The following NDUFS4 variants were observed in gnomAD, a reference collection of about 807,000 sequenced individuals.
NDUFS4 encodes the protein NADH:ubiquinone oxidoreductase subunit S4.
NDUFS4 carries 28 observed loss-of-function variants against 24.3 expected under a neutral mutation model. The observed-to-expected ratio is 1.15, with a 90% CI of 0.85 to 1.58. The LOEUF (loss-of-function observed/expected upper bound fraction) is 1.58, where lower values mean the gene tolerates loss of function less well. NDUFS4 is among the 40% of genes most tolerant of loss of function. The pLI, the probability that NDUFS4 is intolerant of heterozygous loss-of-function variation, is 0.00. For missense variants in NDUFS4, 223 were observed against 207.9 expected (o/e 1.07, Z -0.45); for synonymous variants, 93 against 69.7 (o/e 1.34, Z -1.67).
chr5:53,666,242 CAT>C (rs1306745217), intron 4 of NDUFS4, among the ~76,000 whole-genome samples: 2 of 152,176 alleles, frequency 1.3e-5, no homozygotes, highest in East Asian at 1.9e-4. Flanking sequence ...AAGTCTGTCA[CAT>C]GAGTTTAATA....
chr5:53,615,810 A>G (rs544643085), intron 2 of NDUFS4, among the ~76,000 whole-genome samples: 2 of 152,270 alleles, frequency 1.3e-5, no homozygotes, highest in Admixed American at 6.5e-5. Context: ...TCTAAACAAC[A>G]TATAGGATAC....
At chr5:53,561,800 A>C (rs1296625563) in intron 1 of NDUFS4, among the ~76,000 whole-genome samples, 2 of 152,138 alleles carry the variant, frequency 1.3e-5, no homozygotes, top group Non-Finnish European at 2.9e-5. Flanking sequence ...AGTTTTATTA[A>C]GGTTTAAATA....
chr5:53,663,540 G>A (rs922266780), intron 4 of NDUFS4, among the ~76,000 whole-genome samples: 25 of 152,132 alleles, frequency 1.6e-4, no homozygotes, highest in African/African-American at 6.0e-4. Flanking sequence ...TATATATTTA[G>A]GATAGTTAGC....
intron 2 of NDUFS4, among the ~76,000 whole-genome samples, chr5:53,614,861 A>G (rs1012299091): frequency 8.6e-5 from 13 of 151,938 alleles, no homozygotes; most frequent in East Asian, 3.9e-4. Context: ...AGAATTGATA[A>G]TATTTCATTT....
chr5:53,658,751 T>G, intron 4 of NDUFS4, 127 bp downstream of exon 4: 1 of 635,912 alleles, frequency 1.6e-6, no homozygotes, highest in Non-Finnish European at 2.7e-6. Flanking sequence ...ATCCAGTGGT[T>G]TCAGACTTTA....
chr5:53,639,609 T>C (rs544517695), intron 2 of NDUFS4, among the ~76,000 whole-genome samples: 1 of 152,228 alleles, frequency 6.6e-6, no homozygotes, highest in Non-Finnish European at 1.5e-5. Context: ...AAATTTTTAC[T>C]CCAGTTATAT....
At chr5:53,604,130 C>T (rs1419203074) in intron 2 of NDUFS4, among the ~76,000 whole-genome samples, 1 of 152,176 alleles carries the variant, frequency 6.6e-6, no homozygotes, top group African/African-American at 2.4e-5. Context: ...TGGTCTGTTA[C>T]TTTACATGCA....
chr5:53,567,051 A>T (rs2112408385), intron 1 of NDUFS4, among the ~76,000 whole-genome samples: 1 of 152,122 alleles, frequency 6.6e-6, no homozygotes, highest in Admixed American at 6.6e-5. Context: ...GGGTTTCACC[A>T]TGTTGGTCAG....
chr5:53,570,684 CTTT>C (rs70983360), intron 1 of NDUFS4, among the ~76,000 whole-genome samples: 5 of 119,852 alleles, frequency 4.2e-5, no homozygotes, highest in Non-Finnish European at 3.4e-5. Context: ...ATTTTTTTTT[CTTT>C]TTTTTTTTTT....
At chr5:53,674,084 T>G (rs1288589889) in intron 4 of NDUFS4, among the ~76,000 whole-genome samples, 1 of 152,188 alleles carries the variant, frequency 6.6e-6, no homozygotes, top group African/African-American at 2.4e-5. Context: ...AAGCACATAT[T>G]TATTTAATGT....
intron 1 of NDUFS4, among the ~76,000 whole-genome samples, chr5:53,562,511 A>G (rs1264339010): frequency 6.6e-6 from 1 of 152,212 alleles, no homozygotes; most frequent in Non-Finnish European, 1.5e-5. Context: ...CTACATATCC[A>G]AACTTAAGAG....
chr5:53,586,916 C>T (rs569005694), intron 1 of NDUFS4, among the ~76,000 whole-genome samples: 22 of 152,108 alleles, frequency 1.4e-4, no homozygotes, highest in African/African-American at 4.1e-4. Flanking sequence ...TTCCACTTCC[C>T]GGGTTCAAAT....
chr5:53,629,716 T>TC (rs2112488260), intron 2 of NDUFS4, among the ~76,000 whole-genome samples: 1 of 152,216 alleles, frequency 6.6e-6, no homozygotes, highest in East Asian at 1.9e-4. Flanking sequence ...CCTTTTTTTT[T>TC]CTTTCCATTT....
chr5:53,611,212 T>A (rs1750685261), intron 2 of NDUFS4, among the ~76,000 whole-genome samples: 1 of 151,890 alleles, frequency 6.6e-6, no homozygotes, highest in Non-Finnish European at 1.5e-5. Flanking sequence ...GTGGTTTTTT[T>A]TTTTTTCTGG....
At chr5:53,652,321 C>T (rs1474830871) in intron 3 of NDUFS4, among the ~76,000 whole-genome samples, 2 of 151,874 alleles carry the variant, frequency 1.3e-5, no homozygotes, top group Non-Finnish European at 2.9e-5. Context: ...TTTCATTGAG[C>T]AGCAGAGGCA....
intron 1 of NDUFS4, among the ~76,000 whole-genome samples, chr5:53,576,581 C>A (rs1749392949): frequency 6.6e-6 from 1 of 152,096 alleles, no homozygotes; most frequent in South Asian, 2.1e-4. Flanking sequence ...GTTTAAAAAT[C>A]CTGGAGAAAT....
intron 3 of NDUFS4, among the ~76,000 whole-genome samples, chr5:53,646,695 T>TTC (rs1554059281): frequency 6.6e-6 from 1 of 151,798 alleles, no homozygotes; most frequent in African/African-American, 2.4e-5. Flanking sequence ...TATACAGCAG[T>TTC]CCCCCCTTAT....
intron 1 of NDUFS4, among the ~76,000 whole-genome samples, chr5:53,576,169 G>A (rs1749383245): frequency 6.6e-6 from 1 of 152,182 alleles, no homozygotes; most frequent in Non-Finnish European, 1.5e-5. Context: ...TCAGAGTGGG[G>A]GATTAATGGA....
intron 1 of NDUFS4, among the ~76,000 whole-genome samples, chr5:53,561,115 C>T (rs888479086): frequency 6.6e-6 from 1 of 152,132 alleles, no homozygotes; most frequent in African/African-American, 2.4e-5. Flanking sequence ...TTCTGCATCC[C>T]TTCCATTTGT....
Sources: allele counts gnomAD v4.1 joint callset (sites outside exome capture counted in the v4.1 genomes callset), GRCh38; gene constraint gnomAD v4.1.1; transcripts MANE v1.5; gene names NCBI Gene and HGNC (gene_info 2026-07-23, HGNC 2026-07-21).